UBLCP1: variants seen among roughly 807,000 people sequenced by gnomAD.
The protein encoded by UBLCP1 is ubiquitin-like domain-containing CTD phosphatase 1.
A neutral mutation model predicts 42.4 loss-of-function variants in UBLCP1; 28 were observed. The ratio of observed to expected loss-of-function variants is 0.66; its 90% confidence interval spans 0.49 to 0.90. UBLCP1 has a LOEUF of 0.90. Ranked by LOEUF, UBLCP1 falls within the 40% of genes least tolerant of loss-of-function variation. The pLI, the probability that UBLCP1 is intolerant of heterozygous loss-of-function variation, is 0.00. For synonymous variants in UBLCP1, 122 were observed against 120.8 expected (o/e 1.01, Z -0.07); for missense variants, 279 against 374.5 (o/e 0.75, Z 2.10).
Position 159,275,477 on chromosome 5 carries a change from A to G in UBLCP1, c.684+231A>G, listed in dbSNP as rs1025601646. 9 of 282,228 alleles carry G rather than the reference A, an allele frequency of 3.2e-5. No homozygotes were observed. In the Admixed American group the frequency reaches 3.2e-4, roughly 10 times the overall value. 17.5% of individuals were successfully genotyped at this position (282,228 alleles called of 1,614,324 possible). A position where few individuals can be genotyped will look rare whatever the true frequency, so the allele number is the denominator to read the frequency against. ...GCCCAGGCTGGAGTGCAGTGGTGCA[A>G]TCTCGCTCACGCAAGCTCCGCCTCC... On this transcript the variant is annotated intron_variant, in intron 8 of 10. Coordinates refer to ENST00000296786, the MANE Select transcript of UBLCP1 (RefSeq NM_145049.5).
chr5:159,263,731 GC>G (rs950152468), intron 1 of UBLCP1, among the ~76,000 whole-genome samples: 4 of 152,170 alleles, frequency 2.6e-5, no homozygotes, highest in African/African-American at 9.7e-5. Flanking sequence ...AGTTAGCACA[GC>G]CCCCGACCCT....
At chr5:159,280,141 A>G (rs1354520579) in intron 9 of UBLCP1, among the ~76,000 whole-genome samples, 1 of 152,204 alleles carries the variant, frequency 6.6e-6, no homozygotes, top group Admixed American at 6.5e-5. Context: ...TTCTAATTCC[A>G]GAGGTAGATT....
intron 5 of UBLCP1, 82 bp downstream of exon 5, chr5:159,270,725 G>A (rs529863379): frequency 2.4e-6 from 2 of 819,130 alleles, no homozygotes; most frequent in Admixed American, 3.4e-5. Context: ...TTTTTTCTTA[G>A]CAACTCATGG....
At chr5:159,269,446 A>G (rs1049291086) in intron 2 of UBLCP1, among the ~76,000 whole-genome samples, 5 of 152,206 alleles carry the variant, frequency 3.3e-5, no homozygotes, top group African/African-American at 4.8e-5. Flanking sequence ...TTCTGTTTCA[A>G]AAGTAAAGAC....
At chr5:159,265,568 A>C (rs1477692600) in intron 1 of UBLCP1, among the ~76,000 whole-genome samples, 3 of 152,182 alleles carry the variant, frequency 2.0e-5, no homozygotes, top group Non-Finnish European at 4.4e-5. Flanking sequence ...CTTGAATTGT[A>C]TCTCCCAGAA....
At position 159,268,925 on chromosome 5, in the gene UBLCP1, C is replaced by G; in HGVS notation, c.10C>G (p.Pro4Ala). The change falls in exon 2 of 11, where the codon CCT (proline) becomes GCT (alanine). Residue 4 changes from proline to alanine, a missense_variant. By Grantham distance (27) the Pro-to-Ala change is conservative. Coordinates refer to ENST00000296786, the MANE Select transcript of UBLCP1 (RefSeq NM_145049.5). Reference protein sequence around the residue: MALPIIVKWGGQEY... With the variant: MALAIIVKWGGQEY... ...CTCATATGTTTCAAGAATGGCTCTC[C>G]CTATCATTGTAAAATGGGGTGGACA... 1 of 1,607,908 alleles carries G rather than the reference C, an allele frequency of 6.2e-7. No homozygotes were observed. Among genetic ancestry groups the G allele is most frequent in the African/African-American group, 1.3e-5 (1 of 74,640 alleles).
At chr5:159,284,753 C>A in intron 10 of UBLCP1, 151 bp from the exon 11 acceptor site, 1 of 759,910 alleles carries the variant, frequency 1.3e-6, no homozygotes, top group Non-Finnish European at 2.3e-6. Flanking sequence ...TAGAACTGTG[C>A]GTGCACATAA....
intron 9 of UBLCP1, 148 bp from the exon 10 acceptor site, chr5:159,283,060 ACTTT>A: frequency 1.4e-6 from 1 of 697,364 alleles, no homozygotes; most frequent in South Asian, 2.3e-5. Context: ...ATTATACATG[ACTTT>A]CTATTTAGGC....
intron 6 of UBLCP1, among the ~76,000 whole-genome samples, chr5:159,273,626 C>T (rs1322755191): frequency 2.6e-5 from 4 of 151,904 alleles, no homozygotes; most frequent in Non-Finnish European, 5.9e-5. Flanking sequence ...TTTTGTTTTT[C>T]GTCTGATAAT....
intron 9 of UBLCP1, among the ~76,000 whole-genome samples, chr5:159,278,721 C>T (rs1753569748): frequency 6.6e-6 from 1 of 152,012 alleles, no homozygotes; most frequent in Admixed American, 6.6e-5. Flanking sequence ...TACAGGCACG[C>T]ACCACCACAC....
At chr5:159,268,353 G>T (rs754490244) in intron 1 of UBLCP1, among the ~76,000 whole-genome samples, 2 of 152,154 alleles carry the variant, frequency 1.3e-5, no homozygotes, top group Non-Finnish European at 2.9e-5. Flanking sequence ...CCTCATAAAA[G>T]CCCTAAGAAG....
chr5:159,274,009 T>C (rs531536194), intron 6 of UBLCP1, among the ~76,000 whole-genome samples: 1 of 152,248 alleles, frequency 6.6e-6, no homozygotes, highest in Admixed American at 6.6e-5. Context: ...GGTTAATGTC[T>C]GACAATGAGC....
intron 10 of UBLCP1, 152 bp downstream of exon 10, chr5:159,283,491 C>G (rs1165523038): frequency 1.6e-6 from 1 of 620,918 alleles, no homozygotes; most frequent in Non-Finnish European, 2.6e-6. Flanking sequence ...TGACCTACCC[C>G]CAAAAGTATT....
In UBLCP1 at chr5:159,269,895, G is replaced by T. The variant is rs1464440602; in HGVS notation, c.155-13G>T. The T allele has an allele frequency of 6.2e-7, 1 of 1,605,700 alleles. No individual in the cohort carries two copies. Among genetic ancestry groups the T allele is most frequent in the Non-Finnish European group, 8.5e-7 (1 of 1,173,868 alleles). On this transcript the variant is annotated splice_polypyrimidine_tract_variant and intron_variant, in intron 2 of 10. Coordinates refer to ENST00000296786, the MANE Select transcript of UBLCP1 (RefSeq NM_145049.5). ...AACTTTAGTGAGAAAACAGTCATTT[G>T]CTTGTATTGTAGGCAAACCTGCAGA...
At chr5:159,264,739 C>T (rs181189465) in intron 1 of UBLCP1, among the ~76,000 whole-genome samples, 1 of 152,206 alleles carries the variant, frequency 6.6e-6, no homozygotes, top group Non-Finnish European at 1.5e-5. Flanking sequence ...CTTCTCTCCA[C>T]CCCAATTACA....
intron 8 of UBLCP1, among the ~76,000 whole-genome samples, chr5:159,276,094 A>T (rs985847098): frequency 6.6e-6 from 1 of 152,180 alleles, no homozygotes; most frequent in Non-Finnish European, 1.5e-5. Flanking sequence ...GGGAATAAAG[A>T]GATGAGTGAG....
At position 159,276,978 on chromosome 5, in the gene UBLCP1, G is replaced by C. The variant is rs73307758; in HGVS notation, c.685-1260G>C. The stretch of plus-strand genomic sequence containing the variant: ...TACTTTTCTAATTGAGAGCAAAGTA[G>C]TTTGTGTTTTGGGGAACATAGGTGC... On this transcript the variant is annotated intron_variant, in intron 8 of 10. Transcript: ENST00000296786. 4.4e-3 allele frequency among the ~76,000 whole-genome samples: 674 copies of C among 152,220 alleles called. 4 individuals are homozygous for C. Among genetic ancestry groups the C allele is most frequent in the African/African-American group, 0.016 (651 of 41,516 alleles).
At chr5:159,269,631 G>C (rs1356211814) in intron 2 of UBLCP1, among the ~76,000 whole-genome samples, 1 of 152,104 alleles carries the variant, frequency 6.6e-6, no homozygotes, top group East Asian at 1.9e-4. Context: ...TTGAACAACA[G>C]AATAAAACAT....
At chr5:159,283,943 A>C (rs911455413) in intron 10 of UBLCP1, among the ~76,000 whole-genome samples, 1 of 152,140 alleles carries the variant, frequency 6.6e-6, no homozygotes, top group African/African-American at 2.4e-5. Flanking sequence ...GAGACAGAGA[A>C]AAGTCCCCAG....
Sources: gnomAD v4.1 joint callset for allele counts (sites outside exome capture counted in the v4.1 genomes callset) on GRCh38, gnomAD v4.1.1 for gene constraint, MANE v1.5 for transcripts, NCBI Gene and HGNC (gene_info 2026-07-23, HGNC 2026-07-21) for gene names.